Variants in NTM observed in about 807,000 individuals in gnomAD.
NTM encodes neurotrimin, also known as IgLON family member 2.
A neutral mutation model predicts 42.1 loss-of-function variants in NTM; 13 were observed. That is an observed-to-expected ratio of 0.31 (90% CI 0.20 to 0.49). The LOEUF (loss-of-function observed/expected upper bound fraction) is 0.49, where lower values mean the gene tolerates loss of function less well. Among genes scored for constraint, NTM ranks in the 20% least tolerant of loss-of-function variants. The pLI is 0.99. For synonymous variants in NTM, 187 were observed against 179.2 expected (o/e 1.04, Z -0.35); for missense variants, 373 against 452.8 (o/e 0.82, Z 1.60).
At chr11:131,612,850 A>C (rs373451816) in intron 1 of NTM, among the ~76,000 whole-genome samples, 1 of 152,162 alleles carries the variant, frequency 6.6e-6, no homozygotes, top group Non-Finnish European at 1.5e-5. Context: ...CCTGTCCCCA[A>C]ATCCCTACCC....
At chr11:131,492,796 C>T (rs1332771622) in intron 1 of NTM, among the ~76,000 whole-genome samples, 2 of 152,146 alleles carry the variant, frequency 1.3e-5, no homozygotes, top group Non-Finnish European at 2.9e-5. Context: ...AGGGAGTGAG[C>T]ACTGAGTATA....
chr11:131,872,412 A>C (rs1260504463), intron 1 of NTM, among the ~76,000 whole-genome samples: 1 of 152,180 alleles, frequency 6.6e-6, no homozygotes, highest in East Asian at 1.9e-4. Context: ...ATTTGTCTTG[A>C]TTCCCCAAAA....
intron 1 of NTM, among the ~76,000 whole-genome samples, chr11:131,589,464 A>C (rs2059171557): frequency 6.6e-6 from 1 of 152,170 alleles, no homozygotes; most frequent in African/African-American, 2.4e-5. Context: ...CTCCATCCAG[A>C]AACTGCAGTC....
chr11:132,256,673 C>T (rs4936163), intron 4 of NTM, among the ~76,000 whole-genome samples: 18,819 of 150,076 alleles, frequency 0.13, 2,143 homozygotes, highest in African/African-American at 0.3. Flanking sequence ...TGTGGACTGG[C>T]AGGGCCTGTT....
intron 1 of NTM, among the ~76,000 whole-genome samples, chr11:131,502,494 G>C (rs1413646237): frequency 1.3e-5 from 2 of 152,144 alleles, no homozygotes; most frequent in East Asian, 3.9e-4. Context: ...AAATGAGGCT[G>C]AGGGGAGGCA....
chr11:131,583,565 A>G (rs887073560), intron 1 of NTM, among the ~76,000 whole-genome samples: 2 of 152,138 alleles, frequency 1.3e-5, no homozygotes, highest in Non-Finnish European at 2.9e-5. Context: ...ACCTTCAGAC[A>G]CTGTGCTTTT....
Position 132,313,457 on chromosome 11 carries a change from CATCAAGAAGGGGTT to C in NTM, c.783-1094_783-1081del, listed in dbSNP as rs528283970. Among the ~76,000 whole-genome samples the C allele has an allele frequency of 5.4e-3, 817 of 152,304 alleles. 7 individuals are homozygous for C. The highest frequency in any genetic ancestry group is 0.019 in the African/African-American group (786 of 41,554). ...TGTGTCCATATTCCCTGAGATCCTT[CATCAAGAAGGGGTT>C]TTTTGCCCCAAGAGTATTCATCTTT... On this transcript the variant is annotated intron_variant, in intron 6 of 8. Coordinates refer to ENST00000683400, the MANE Select transcript of NTM (RefSeq NM_001352005.2).
chr11:132,010,753 A>T (rs1333101322), intron 2 of NTM, among the ~76,000 whole-genome samples: 1 of 151,916 alleles, frequency 6.6e-6, no homozygotes, highest in African/African-American at 2.4e-5. Context: ...CTCCCTGTAA[A>T]GCGTTTCCAC....
chr11:131,548,322 A>AT (rs2054208151), intron 1 of NTM, among the ~76,000 whole-genome samples: 1 of 152,134 alleles, frequency 6.6e-6, no homozygotes, highest in African/African-American at 2.4e-5. Flanking sequence ...GGAAAAAAAC[A>AT]TCCCCCAGGC....
intron 1 of NTM, among the ~76,000 whole-genome samples, chr11:131,471,210 C>A (rs1024661366): frequency 6.6e-6 from 1 of 152,214 alleles, no homozygotes; most frequent in African/African-American, 2.4e-5. Context: ...AATGTCTAAT[C>A]CCCAAGATAA....
rs867168306 is a variant in NTM at position 131,756,635 on chromosome 11, C to T, written c.83-154929C>T. On this transcript the variant is annotated intron_variant, in intron 1 of 8. Transcript: ENST00000683400. ...TCCTGGAGATCCAGGCGGTGGTGAGCTGTGATCACAGCACTGCACTCCAAC... is the reference window on the plus strand; with the variant it reads ...TCCTGGAGATCCAGGCGGTGGTGAGTTGTGATCACAGCACTGCACTCCAAC... Among the ~76,000 whole-genome samples, 5 of 152,160 alleles carry T rather than the reference C, an allele frequency of 3.3e-5. No individual in the cohort carries two copies. The South Asian group carries it at 8.3e-4, about 25-fold the overall frequency.
rs533816672 is a variant in NTM at position 132,002,475 on chromosome 11, C to G, written c.167+90827C>G. On this transcript the variant is annotated intron_variant, in intron 2 of 8. Coordinates refer to ENST00000683400, the MANE Select transcript of NTM (RefSeq NM_001352005.2). This position sits in a 1 kb window ranked among gnomAD's most constrained non-coding sequence, Gnocchi z 4.5. ...TGTCAGTGATCAACAATTAACCCTA[C>G]GTCTCAATTCATCATAAGCAAATAC... Among the ~76,000 whole-genome samples the G allele has an allele frequency of 6.6e-6, 1 of 152,090 alleles. No homozygotes were observed. Among genetic ancestry groups the G allele is most frequent in the Non-Finnish European group, 1.5e-5 (1 of 68,024 alleles).
intron 1 of NTM, among the ~76,000 whole-genome samples, chr11:131,377,043 C>T (rs763228208): frequency 6.6e-6 from 1 of 152,186 alleles, no homozygotes; most frequent in African/African-American, 2.4e-5. Flanking sequence ...AACAGCAGTA[C>T]CGGAAGCAAG....
intron 2 of NTM, among the ~76,000 whole-genome samples, chr11:132,132,205 T>A (rs1469367427): frequency 2.0e-5 from 3 of 151,910 alleles, no homozygotes; most frequent in African/African-American, 7.3e-5. Context: ...TGCCTGCTCC[T>A]TCCACCAGGG....
chr11:131,543,971 C>A (rs186697485), intron 1 of NTM, among the ~76,000 whole-genome samples: 32 of 152,338 alleles, frequency 2.1e-4, no homozygotes, highest in African/African-American at 7.7e-4. Context: ...GGTGGCCTCT[C>A]GTCTCTTCCC....
intron 1 of NTM, among the ~76,000 whole-genome samples, chr11:131,819,565 T>C (rs1242234763): frequency 6.6e-6 from 1 of 152,114 alleles, no homozygotes; most frequent in Non-Finnish European, 1.5e-5. Context: ...GTCAGGAAAA[T>C]CCTGCCAGGC....
At chr11:132,155,228 T>G (rs1368990187) in intron 3 of NTM, among the ~76,000 whole-genome samples, 2 of 152,204 alleles carry the variant, frequency 1.3e-5, no homozygotes, top group African/African-American at 4.8e-5. Context: ...TCTCCTTGTT[T>G]TAGTTATTCC....
intron 4 of NTM, among the ~76,000 whole-genome samples, chr11:132,280,371 T>A (rs1400413602): frequency 6.6e-6 from 1 of 151,754 alleles, no homozygotes; most frequent in East Asian, 1.9e-4. Context: ...TTTGCTCGCC[T>A]AGGGTGCACC....
chr11:131,952,112 G>A (rs1051133691), intron 2 of NTM, among the ~76,000 whole-genome samples: 2 of 151,492 alleles, frequency 1.3e-5, no homozygotes, highest in Non-Finnish European at 2.9e-5. Context: ...CTTCTATTCC[G>A]AAATCCTGGA....
Sources: gnomAD v4.1 joint callset for allele counts (sites outside exome capture counted in the v4.1 genomes callset) on GRCh38, gnomAD v4.1.1 for gene constraint, Gnocchi (gnomAD v3.1) non-coding constraint, MANE v1.5 for transcripts, NCBI Gene and HGNC (gene_info 2026-07-23, HGNC 2026-07-21) for gene names.